GLIS1: variants seen among roughly 807,000 people sequenced by gnomAD.
GLIS1 encodes the protein GLIS family zinc finger 1, also known as zinc finger protein GLIS1.
GLIS1 carries 24 observed loss-of-function variants against 63.8 expected under a neutral mutation model. That is an observed-to-expected ratio of 0.38 (90% CI 0.27 to 0.53). GLIS1 has a LOEUF of 0.53. Among genes scored for constraint, GLIS1 ranks in the 20% least tolerant of loss-of-function variants. The pLI is 0.85. For missense variants in GLIS1, 1,036 were observed against 1,074.1 expected, an observed-to-expected ratio of 0.96 and a Z score of 0.50; for synonymous variants, 450 against 482.5, an observed-to-expected ratio of 0.93 and a Z score of 0.88.
chr1:53,560,875 G>T lies in GLIS1; in HGVS notation c.1321-30923C>A, dbSNP rs1244281700. Among the ~76,000 whole-genome samples the T allele has an allele frequency of 6.6e-6, 1 of 152,100 alleles. No individual in the cohort carries two copies. The highest frequency in any genetic ancestry group is 2.4e-5 in the African/African-American group (1 of 41,412). Reference sequence around the variant, plus strand: ...ACCACACTTTTTCCTGCCCCATCCTGCCCTGCCACTGGTATCCCACCCCGC... The same window carrying T: ...ACCACACTTTTTCCTGCCCCATCCTTCCCTGCCACTGGTATCCCACCCCGC... On this transcript the variant is annotated intron_variant, in intron 4 of 10. Coordinates refer to ENST00000628545, the MANE Select transcript of GLIS1 (RefSeq NM_001367484.1). This position sits in a 1 kb window ranked among gnomAD's most constrained non-coding sequence, Gnocchi z 4.4.
chr1:53,650,322 G>A (rs1645891678), intron 2 of GLIS1, among the ~76,000 whole-genome samples: 1 of 152,118 alleles, frequency 6.6e-6, no homozygotes. Flanking sequence ...GGGCGAGGTG[G>A]CTCACACCTG....
chr1:53,605,935 A>G (rs562297416), intron 2 of GLIS1, among the ~76,000 whole-genome samples: 1 of 152,310 alleles, frequency 6.6e-6, no homozygotes, highest in African/African-American at 2.4e-5. Flanking sequence ...TATATGCCAG[A>G]CACTGTGACT....
rs1015395367 is a variant in GLIS1, at chr1:53,646,679, G to A, written c.260-46401C>T. On this transcript the variant is annotated intron_variant, in intron 2 of 10. Transcript: ENST00000628545. This position sits in a 1 kb window ranked among gnomAD's most constrained non-coding sequence, Gnocchi z 4.2. ...ACAAAACTTAGCCAGGTGTGGTGGCGCACATCTGTGGTCCCAGCTACTTGG... is the reference window on the plus strand; with the variant it reads ...ACAAAACTTAGCCAGGTGTGGTGGCACACATCTGTGGTCCCAGCTACTTGG... Among the ~76,000 whole-genome samples the A allele has an allele frequency of 3.6e-4, 55 of 152,096 alleles. No homozygotes were observed. The highest frequency in any genetic ancestry group is 8.9e-4 in the African/African-American group (37 of 41,500).
At chr1:53,700,723 C>G (rs999193896) in intron 2 of GLIS1, among the ~76,000 whole-genome samples, 2 of 152,150 alleles carry the variant, frequency 1.3e-5, no homozygotes, top group Non-Finnish European at 2.9e-5. Flanking sequence ...CTATCTAATT[C>G]CACAACATTT....
chr1:53,541,157 G>C (rs924196669), intron 4 of GLIS1, among the ~76,000 whole-genome samples: 5 of 152,210 alleles, frequency 3.3e-5, no homozygotes, highest in African/African-American at 9.7e-5. Flanking sequence ...CTGCTTAGTA[G>C]CAGGATAAGC....
intron 4 of GLIS1, among the ~76,000 whole-genome samples, chr1:53,533,560 C>T (rs770986149): frequency 6.6e-6 from 1 of 152,234 alleles, no homozygotes; most frequent in Non-Finnish European, 1.5e-5. Context: ...GGCTGGGATG[C>T]CCTGATGAGA....
rs200639039 is a variant in GLIS1, at chr1:53,613,653, G to T, written c.260-13375C>A. Among the ~76,000 whole-genome samples the T allele has an allele frequency of 1.3e-3, 191 of 151,046 alleles. 1 individual carries two copies. The highest frequency in any genetic ancestry group is 1.7e-3 in the Admixed American group (26 of 15,170). On this transcript the variant is annotated intron_variant, in intron 2 of 10. Coordinates refer to ENST00000628545, the MANE Select transcript of GLIS1 (RefSeq NM_001367484.1). ...TAATTTAAAAATGATATTTTTGGTG[G>T]TTTTTTTTTCAGTTAATGTGTGGGA... is the stretch of plus-strand genomic sequence containing the variant.
rs1645540144 is a variant in GLIS1 at position 53,621,299 on chromosome 1, A to G, written c.260-21021T>C. Among the ~76,000 whole-genome samples, 4 of 152,214 alleles carry G rather than the reference A, an allele frequency of 2.6e-5. No homozygotes were observed. The South Asian group carries it at 8.3e-4, about 32-fold the overall frequency. On this transcript the variant is annotated intron_variant, in intron 2 of 10. Coordinates refer to ENST00000628545, the MANE Select transcript of GLIS1 (RefSeq NM_001367484.1). Reference sequence around the variant, plus strand: ...CAGCCCAGCCAGGAGCAGGCCAGCCAAGGCCAGGGATGGCCAGGTCTTGTG... The same window carrying G: ...CAGCCCAGCCAGGAGCAGGCCAGCCGAGGCCAGGGATGGCCAGGTCTTGTG...
chr1:53,542,436 G>A (rs957513276), intron 4 of GLIS1, among the ~76,000 whole-genome samples: 1 of 152,258 alleles, frequency 6.6e-6, no homozygotes, highest in African/African-American at 2.4e-5. Context: ...CACAGGGGCT[G>A]GCACAGAGCG....
intron 2 of GLIS1, among the ~76,000 whole-genome samples, chr1:53,609,296 T>C (rs3006892): frequency 1 from 120,122 of 120,164 alleles, 60,040 homozygotes; most frequent in Middle Eastern, 1. Flanking sequence ...TTTTTTGAGA[T>C]GCAGTCTCAC....
In GLIS1 at chr1:53,511,188, C is replaced by T. The variant is rs1003956361; in HGVS notation, c.1884-1161G>A. 1.3e-5 allele frequency among the ~76,000 whole-genome samples: 2 copies of T among 152,128 alleles called. No homozygotes were observed. Among genetic ancestry groups the T allele is most frequent in the Non-Finnish European group, 2.9e-5 (2 of 68,032 alleles). ...CAGAAAGAGGGAGATAGTGAGAGCT[C>T]GGAGTCCCCATTTTCTTGTCTGGAT... On this transcript the variant is annotated intron_variant, in intron 8 of 10. Coordinates refer to ENST00000628545, the MANE Select transcript of GLIS1 (RefSeq NM_001367484.1). The surrounding 1 kb of genome is among the most constrained non-coding windows in gnomAD (Gnocchi z 4.2).
chr1:53,520,486 G>C, intron 7 of GLIS1, 148 bp downstream of exon 7: 1 of 858,074 alleles, frequency 1.2e-6, no homozygotes. Flanking sequence ...GGGAACCAGA[G>C]GCAGAGGCAA....
intron 2 of GLIS1, among the ~76,000 whole-genome samples, chr1:53,704,454 AG>A (rs1179987653): frequency 6.6e-6 from 1 of 152,210 alleles, no homozygotes; most frequent in African/African-American, 2.4e-5. Flanking sequence ...CCCTGACCTC[AG>A]GGGGTCTTTT....
At chr1:53,647,526 C>A (rs917574507) in intron 2 of GLIS1, among the ~76,000 whole-genome samples, 3 of 152,180 alleles carry the variant, frequency 2.0e-5, no homozygotes, top group African/African-American at 7.2e-5. Flanking sequence ...ACACCTTCTG[C>A]ACACCAAACA....
In GLIS1 at chr1:53,526,926, C is replaced by A. The variant is rs995870132; in HGVS notation, c.1483-2039G>T. 6.6e-6 allele frequency among the ~76,000 whole-genome samples: 1 copy of A among 152,252 alleles called. No homozygotes were observed. The highest frequency in any genetic ancestry group is 1.5e-5 in the Non-Finnish European group (1 of 68,040). Reference sequence around the variant, plus strand: ...TGGCCATGTGGGCTGCAGCGCCGGGCGGCCTCCCTCTGTCTGTAATGAGGA... The same window carrying A: ...TGGCCATGTGGGCTGCAGCGCCGGGAGGCCTCCCTCTGTCTGTAATGAGGA... On this transcript the variant is annotated intron_variant, in intron 5 of 10. Transcript: ENST00000628545. This position sits in a 1 kb window ranked among gnomAD's most constrained non-coding sequence, Gnocchi z 4.4.
In GLIS1 at chr1:53,730,027, G is replaced by A. The variant is rs138030469; in HGVS notation, c.259+7779C>T. Among the ~76,000 whole-genome samples, 1,126 of 152,204 alleles carry A rather than the reference G, an allele frequency of 7.4e-3. 4 individuals are homozygous for A. The highest frequency in any genetic ancestry group is 0.022 in the South Asian group (104 of 4,820). ...GGAAGTGATTGAGTTTCATTTTTAC[G>A]ATATGCTTAAAATTATATTATCATT... On this transcript the variant is annotated intron_variant, in intron 2 of 10. Coordinates refer to ENST00000628545, the MANE Select transcript of GLIS1 (RefSeq NM_001367484.1).
chr1:53,556,120 T>C (rs990293792), intron 4 of GLIS1, among the ~76,000 whole-genome samples: 3 of 136,170 alleles, frequency 2.2e-5, no homozygotes, highest in Non-Finnish European at 4.6e-5. Context: ...TATGCAGGTA[T>C]ACTGTAGGTT....
intron 2 of GLIS1, among the ~76,000 whole-genome samples, chr1:53,675,762 C>T (rs371130111): frequency 2.0e-5 from 3 of 152,264 alleles, no homozygotes; most frequent in African/African-American, 4.8e-5. Context: ...CAGCAAAGTC[C>T]GGACTCGAAC....
intron 5 of GLIS1, among the ~76,000 whole-genome samples, chr1:53,527,739 A>G (rs1225495292): frequency 6.6e-6 from 1 of 152,238 alleles, no homozygotes; most frequent in Non-Finnish European, 1.5e-5. Context: ...CAAACTAGCA[A>G]CACAGAGCTG....
Sources: allele counts gnomAD v4.1 joint callset (sites outside exome capture counted in the v4.1 genomes callset), GRCh38; gene constraint gnomAD v4.1.1; non-coding constraint Gnocchi (gnomAD v3.1); transcripts MANE v1.5; gene names NCBI Gene and HGNC (gene_info 2026-07-23, HGNC 2026-07-21).